OTUD7A: variants seen among roughly 807,000 people sequenced by gnomAD.
The protein encoded by OTUD7A is OTU deubiquitinase 7A.
In OTUD7A, 12 loss-of-function variants were observed where a neutral mutation model predicts 65.7. That is an observed-to-expected ratio of 0.18 (90% CI 0.12 to 0.30). OTUD7A has a LOEUF of 0.30. Ranked by LOEUF, OTUD7A falls within the 10% of genes least tolerant of loss-of-function variation. OTUD7A has a pLI of 1.00. For missense variants in OTUD7A, 1,148 were observed against 1,304.8 expected (o/e 0.88, Z 1.85); for synonymous variants, 641 against 586.3 (o/e 1.09, Z -1.35).
At chr15:31,559,334 C>A (rs1888606431) in intron 4 of OTUD7A, 147 bp from the exon 5 acceptor site, 2 of 731,176 alleles carry the variant, frequency 2.7e-6, no homozygotes, top group Admixed American at 2.8e-5. Context: ...ACATACCACA[C>A]AACACACAAA....
intron 3 of OTUD7A, among the ~76,000 whole-genome samples, chr15:31,622,150 C>T (rs987472025): frequency 6.6e-6 from 1 of 152,180 alleles, no homozygotes; most frequent in East Asian, 1.9e-4. Context: ...GTCTGATGGG[C>T]TTCCCTTTGT....
At chr15:31,579,696 G>A (rs777324368) in intron 3 of OTUD7A, among the ~76,000 whole-genome samples, 3 of 152,192 alleles carry the variant, frequency 2.0e-5, no homozygotes, top group Non-Finnish European at 4.4e-5. Flanking sequence ...GTATGTGCAT[G>A]TGTGTATGTA....
intron 1 of OTUD7A, among the ~76,000 whole-genome samples, chr15:31,827,461 T>C (rs1896825419): frequency 6.6e-6 from 1 of 152,212 alleles, no homozygotes; most frequent in Admixed American, 6.5e-5. Context: ...ACGTGGGAAT[T>C]ATGGGAGTAT....
Position 31,487,306 on chromosome 15 carries a change from A to G in OTUD7A, c.1287-28T>C. 6.2e-7 allele frequency: 1 copy of G among 1,611,884 alleles called. No individual in the cohort carries two copies. The highest frequency in any genetic ancestry group is 8.5e-7 in the Non-Finnish European group (1 of 1,178,202). ...GGCAAGAGAAGAATATCCTATTGAA[A>G]TGGTCTGAGCTGGCCCTTATAGCAC... On this transcript the variant is annotated intron_variant, in intron 11 of 12. Coordinates refer to ENST00000307050, the MANE Select transcript of OTUD7A (RefSeq NM_001382637.1). This position sits in a 1 kb window ranked among gnomAD's most constrained non-coding sequence, Gnocchi z 6.0.
Position 31,487,700 on chromosome 15 carries a change from G to C in OTUD7A, c.1172-134C>G. The C allele has an allele frequency of 1.5e-6, 1 of 672,908 alleles. No homozygotes were observed. The highest frequency in any genetic ancestry group is 1.9e-5 in the South Asian group (1 of 51,718). 41.7% of individuals were successfully genotyped at this position (672,908 alleles called of 1,614,324 possible). A position where few individuals can be genotyped will look rare whatever the true frequency, so the allele number is the denominator to read the frequency against. ...TCTACACAGATCTGTGCCAGCAGGA[G>C]CATGAAGACCAAAACCACTATTGCT... On this transcript the variant is annotated intron_variant, in intron 10 of 12. Coordinates refer to ENST00000307050, the MANE Select transcript of OTUD7A (RefSeq NM_001382637.1). This position sits in a 1 kb window ranked among gnomAD's most constrained non-coding sequence, Gnocchi z 6.0.
intron 1 of OTUD7A, chr15:31,767,833 G>T: frequency 1.1e-6 from 1 of 900,700 alleles, no homozygotes; most frequent in Non-Finnish European, 1.8e-6. Context: ...AGTTCTCTAT[G>T]CTGTTTTTTC....
intron 3 of OTUD7A, among the ~76,000 whole-genome samples, chr15:31,634,393 C>T (rs539033923): frequency 2.0e-4 from 30 of 152,312 alleles, no homozygotes; most frequent in African/African-American, 4.8e-4. Flanking sequence ...TCCTCTTCCA[C>T]GACGTTTCTC....
intron 1 of OTUD7A, among the ~76,000 whole-genome samples, chr15:31,822,958 A>G (rs914342752): frequency 1.3e-5 from 2 of 152,212 alleles, no homozygotes; most frequent in African/African-American, 4.8e-5. Context: ...GTATGGTTCC[A>G]TGTAAAAACT....
chr15:31,489,752 C>T (rs1041080066), intron 10 of OTUD7A, among the ~76,000 whole-genome samples: 21 of 152,346 alleles, frequency 1.4e-4, no homozygotes, highest in Admixed American at 5.9e-4. Flanking sequence ...TAAGCTAAGA[C>T]GGCACCCCAG....
chr15:31,644,376 G>T (rs545200537), intron 3 of OTUD7A, among the ~76,000 whole-genome samples: 1 of 152,058 alleles, frequency 6.6e-6, no homozygotes, highest in East Asian at 1.9e-4. Flanking sequence ...CCTTGGCTGT[G>T]AGATCAAGAA....
intron 3 of OTUD7A, among the ~76,000 whole-genome samples, chr15:31,630,352 C>T (rs1267105555): frequency 6.6e-6 from 1 of 151,758 alleles, no homozygotes; most frequent in African/African-American, 2.4e-5. Flanking sequence ...GTGATGTACC[C>T]AGTAGTCATT....
chr15:31,740,112 G>A (rs148157822), intron 1 of OTUD7A, among the ~76,000 whole-genome samples: 17 of 152,358 alleles, frequency 1.1e-4, no homozygotes, highest in Non-Finnish European at 2.1e-4. Flanking sequence ...GAGGACATGA[G>A]TGGGGTGGCC....
intron 1 of OTUD7A, among the ~76,000 whole-genome samples, chr15:31,704,463 C>T (rs1258621557): frequency 2.1e-5 from 3 of 142,448 alleles, no homozygotes; most frequent in East Asian, 2.7e-4. Context: ...TGACCTGTGC[C>T]GACCTATTTC....
At chr15:31,587,776 C>T (rs1175188707) in intron 3 of OTUD7A, among the ~76,000 whole-genome samples, 1 of 152,200 alleles carries the variant, frequency 6.6e-6, no homozygotes, top group Non-Finnish European at 1.5e-5. Flanking sequence ...CCCCGGGCAC[C>T]AAGTGACTTC....
chr15:31,843,061 A>C (rs1367339833), intron 1 of OTUD7A, among the ~76,000 whole-genome samples: 1 of 151,904 alleles, frequency 6.6e-6, no homozygotes, highest in Non-Finnish European at 1.5e-5. Flanking sequence ...CCCACAATAG[A>C]AATGAGAAGG....
rs781774270 is a variant in OTUD7A, at chr15:31,477,474, G to T, written c.*5820C>A. 4 of 152,208 alleles carry T rather than the reference G, an allele frequency of 2.6e-5. No homozygotes were observed. Among genetic ancestry groups the T allele is most frequent in the Non-Finnish European group, 4.4e-5 (3 of 68,050 alleles). The allele number at this position is 152,208 out of a possible 1,614,324, so 9.4% of individuals were successfully genotyped here. On this transcript the variant is annotated 3_prime_UTR_variant, in exon 13 of 13. Coordinates refer to ENST00000307050, the MANE Select transcript of OTUD7A (RefSeq NM_001382637.1). The stretch of plus-strand genomic sequence containing the variant: ...GCCTCATATTTGTGAGGTGGGGCTA[G>T]CGGCAGGGCAGGCATTCACTTGTCT...
intron 8 of OTUD7A, among the ~76,000 whole-genome samples, chr15:31,507,225 A>G (rs140957350): frequency 7.9e-5 from 12 of 152,294 alleles, no homozygotes; most frequent in Middle Eastern, 6.8e-3. Context: ...TCAAATTTCT[A>G]TATTATAGAA....
intron 1 of OTUD7A, among the ~76,000 whole-genome samples, chr15:31,694,001 C>A (rs1566977363): frequency 6.6e-6 from 1 of 152,176 alleles, no homozygotes; most frequent in Non-Finnish European, 1.5e-5. Flanking sequence ...AGTAAAAATA[C>A]AAGGCACTGA....
intron 3 of OTUD7A, among the ~76,000 whole-genome samples, chr15:31,639,364 C>T (rs59059557): frequency 0.17 from 24,897 of 147,760 alleles, 2,353 homozygotes; most frequent in East Asian, 0.24. Flanking sequence ...GATTGAGAGC[C>T]GAGTAGCATT....
Sources: allele counts gnomAD v4.1 joint callset (sites outside exome capture counted in the v4.1 genomes callset), GRCh38; gene constraint gnomAD v4.1.1; non-coding constraint Gnocchi (gnomAD v3.1); transcripts MANE v1.5; gene names NCBI Gene and HGNC (gene_info 2026-07-23, HGNC 2026-07-21).